GNG7: variants seen among roughly 807,000 people sequenced by gnomAD.
GNG7 encodes guanine nucleotide-binding protein G(I)/G(S)/G(O) subunit gamma-7.
GNG7 carries 1 observed loss-of-function variant against 4.0 expected under a neutral mutation model. The ratio of observed to expected loss-of-function variants is 0.25; its 90% CI spans 0.09 to 1.18. GNG7 has a LOEUF of 1.18. Among genes scored for constraint, GNG7 ranks in the 50% most tolerant of loss-of-function variants. The pLI, the probability that GNG7 is intolerant of heterozygous loss-of-function variation, is 0.50. For synonymous variants in GNG7, 34 were observed against 36.9 expected, an observed-to-expected ratio of 0.92 and a Z score of 0.29; for missense variants, 86 against 91.9, an observed-to-expected ratio of 0.94 and a Z score of 0.26.
chr19:2,677,266 T>TTTG (rs10694234), intron 1 of GNG7, among the ~76,000 whole-genome samples: 1 of 146,606 alleles, frequency 6.8e-6, no homozygotes, highest in African/African-American at 2.5e-5. Flanking sequence ...TTTTTTTTTT[T>TTTG]GCTTCAATTC....
intron 2 of GNG7, among the ~76,000 whole-genome samples, chr19:2,568,401 CACACAT>C (rs1431776073): frequency 5.3e-5 from 8 of 150,832 alleles, no homozygotes; most frequent in African/African-American, 7.3e-5. Context: ...CACAAACACA[CACACAT>C]ATACACATAG....
chr19:2,663,735 C>T (rs1936692601), intron 1 of GNG7, among the ~76,000 whole-genome samples: 1 of 152,174 alleles, frequency 6.6e-6, no homozygotes, highest in African/African-American at 2.4e-5. Flanking sequence ...TTCATTTTGG[C>T]ATTTTGCAAA....
At chr19:2,555,366 T>C (rs976484987) in intron 2 of GNG7, among the ~76,000 whole-genome samples, 178 bp from the exon 3 acceptor site, 3 of 152,194 alleles carry the variant, frequency 2.0e-5, no homozygotes, top group African/African-American at 7.2e-5. Context: ...ATCCACTTTA[T>C]TCTTTACCAC....
chr19:2,653,876 C>T lies in GNG7; in HGVS notation c.-134-7596G>A, dbSNP rs541011057. On this transcript the variant is annotated intron_variant, in intron 1 of 4. Coordinates refer to ENST00000382159, the MANE Select transcript of GNG7 (RefSeq NM_052847.3). The surrounding 1 kb of genome is among the most constrained non-coding windows in gnomAD (Gnocchi z 4.8). The stretch of plus-strand genomic sequence containing the variant: ...ACCACCCAGGCGCTGTCCCTGGCCT[C>T]GCCCATGGCTAACCTTGGCAGGCAT... 2.6e-5 allele frequency among the ~76,000 whole-genome samples: 4 copies of T among 152,350 alleles called. No individual in the cohort carries two copies. Among genetic ancestry groups the T allele is most frequent in the South Asian group, 4.1e-4 (2 of 4,822 alleles).
At chr19:2,574,108 T>C (rs1980235084) in intron 2 of GNG7, among the ~76,000 whole-genome samples, 1 of 152,096 alleles carries the variant, frequency 6.6e-6, no homozygotes, top group Non-Finnish European at 1.5e-5. Context: ...GCTGGTGCAG[T>C]CCAGGTGAAA....
chr19:2,651,643 G>A (rs527419051), intron 1 of GNG7, among the ~76,000 whole-genome samples: 18 of 142,694 alleles, frequency 1.3e-4, no homozygotes, highest in Admixed American at 8.6e-4. Flanking sequence ...TCAGCTCATT[G>A]CAACCTCCAC....
chr19:2,677,253 A>ATT (rs60983729), intron 1 of GNG7, among the ~76,000 whole-genome samples: 12,843 of 145,458 alleles, frequency 0.088, 1,072 homozygotes, highest in African/African-American at 0.23. Flanking sequence ...AGAGAATTCC[A>ATT]TTTTTTTTTT....
chr19:2,678,505 C>T (rs930833107), intron 1 of GNG7, among the ~76,000 whole-genome samples: 1 of 152,208 alleles, frequency 6.6e-6, no homozygotes, highest in African/African-American at 2.4e-5. Flanking sequence ...AGGTGGGTCA[C>T]ACCCACTGTA....
At chr19:2,686,260 C>T (rs889278664) in intron 1 of GNG7, among the ~76,000 whole-genome samples, 5 of 151,948 alleles carry the variant, frequency 3.3e-5, no homozygotes, top group African/African-American at 9.7e-5. Context: ...CGCGTTCAAG[C>T]GATTCTCCTG....
chr19:2,554,543 C>A (rs1185234414), intron 3 of GNG7, among the ~76,000 whole-genome samples: 2 of 136,822 alleles, frequency 1.5e-5, no homozygotes, highest in African/African-American at 5.5e-5. Flanking sequence ...AATATATATG[C>A]TATATATATA....
chr19:2,536,076 G>C (rs1007032864), intron 3 of GNG7, among the ~76,000 whole-genome samples: 8 of 152,020 alleles, frequency 5.3e-5, no homozygotes, highest in Non-Finnish European at 1.2e-4. Flanking sequence ...GGTGAGTTGT[G>C]ACCACACCAC....
At chr19:2,561,660 C>T (rs576494941) in intron 2 of GNG7, among the ~76,000 whole-genome samples, 1 of 151,240 alleles carries the variant, frequency 6.6e-6, no homozygotes, top group Non-Finnish European at 1.5e-5. Context: ...GGTGGATCAC[C>T]TGAAGTAGGA....
chr19:2,599,892 G>T (rs1271499784), intron 2 of GNG7, among the ~76,000 whole-genome samples: 1 of 151,032 alleles, frequency 6.6e-6, no homozygotes, highest in East Asian at 1.9e-4. Context: ...AGCTGAGATG[G>T]CGCCACCGCA....
At chr19:2,632,950 C>G (rs1982201315) in intron 2 of GNG7, 1 of 152,318 alleles carries the variant, frequency 6.6e-6, no homozygotes, top group Admixed American at 6.5e-5. Flanking sequence ...GCTCAGGAGC[C>G]CTCAGCCCCT....
At chr19:2,661,320 G>GAAAGAA (rs1983166612) in intron 1 of GNG7, among the ~76,000 whole-genome samples, 1 of 137,672 alleles carries the variant, frequency 7.3e-6, no homozygotes, top group Admixed American at 7.2e-5. Flanking sequence ...AAGAAAGAAA[G>GAAAGAA]AAAGAAAGAA....
chr19:2,605,195 TG>T (rs1981339942), intron 2 of GNG7, among the ~76,000 whole-genome samples: 1 of 152,092 alleles, frequency 6.6e-6, no homozygotes, highest in Non-Finnish European at 1.5e-5. Context: ...ATCTCACTGT[TG>T]TTTTTTTTGT....
At chr19:2,683,218 G>A (rs1040390576) in intron 1 of GNG7, among the ~76,000 whole-genome samples, 3 of 149,402 alleles carry the variant, frequency 2.0e-5, no homozygotes, top group South Asian at 2.2e-4. Context: ...CAGCCTGGGC[G>A]ACAGAGAAAG....
At chr19:2,689,465 A>G (rs1254597568) in intron 1 of GNG7, among the ~76,000 whole-genome samples, 3 of 151,614 alleles carry the variant, frequency 2.0e-5, no homozygotes, top group African/African-American at 7.3e-5. Flanking sequence ...TCTACTAAAA[A>G]TACAAAAAAT....
At chr19:2,645,323 C>T (rs1982637131) in intron 2 of GNG7, among the ~76,000 whole-genome samples, 2 of 151,562 alleles carry the variant, frequency 1.3e-5, no homozygotes, top group South Asian at 4.2e-4. Flanking sequence ...ACTGCAACCA[C>T]CATCTCCCAG....
Sources: gnomAD v4.1 joint callset for allele counts (sites outside exome capture counted in the v4.1 genomes callset) on GRCh38, gnomAD v4.1.1 for gene constraint, Gnocchi (gnomAD v3.1) non-coding constraint, MANE v1.5 for transcripts, NCBI Gene and HGNC (gene_info 2026-07-23, HGNC 2026-07-21) for gene names.